Variants in CDKAL1 observed in about 807,000 individuals in gnomAD.
CDKAL1 encodes the protein CDKAL1 threonylcarbamoyladenosine tRNA methylthiotransferase.
CDKAL1 carries 32 observed loss-of-function variants against 68.2 expected under a neutral mutation model. The ratio of observed to expected loss-of-function variants is 0.47; its 90% CI spans 0.35 to 0.63. CDKAL1 has a LOEUF of 0.63. CDKAL1 is among the 30% of genes least tolerant of loss of function. CDKAL1 has a pLI of 0.00. For missense variants in CDKAL1, 606 were observed against 696.7 expected (o/e 0.87, Z 1.47); for synonymous variants, 234 against 244.3 (o/e 0.96, Z 0.39).
chr6:20,858,324 C>CT (rs34865786), intron 9 of CDKAL1, among the ~76,000 whole-genome samples: 38 of 149,804 alleles, frequency 2.5e-4, no homozygotes, highest in African/African-American at 5.4e-4. Context: ...TCTGTATTGA[C>CT]TTTTTTTTTT....
rs139933377 is a variant in CDKAL1, at chr6:21,149,453, A to G, written c.1299+40990A>G. Among the ~76,000 whole-genome samples the G allele has an allele frequency of 1.8e-4, 27 of 152,258 alleles. 1 individual carries two copies. Among genetic ancestry groups the G allele is most frequent in the African/African-American group, 6.5e-4 (27 of 41,544 alleles). ...GAACCACCACGCCTGGCCCCAAAAA[A>G]CATTCTTAAATGATGATTTATGTAA... On this transcript the variant is annotated intron_variant, in intron 13 of 15. Transcript: ENST00000274695.
intron 13 of CDKAL1, among the ~76,000 whole-genome samples, chr6:21,129,682 CAAAAAAA>C (rs34802727): frequency 8.7e-4 from 60 of 69,000 alleles, no homozygotes; most frequent in East Asian, 2.7e-3. Flanking sequence ...TGCAGTTTAC[CAAAAAAA>C]AAAAAAAAAA....
intron 6 of CDKAL1, among the ~76,000 whole-genome samples, chr6:20,750,577 C>T (rs1174301877): frequency 6.6e-6 from 1 of 152,074 alleles, no homozygotes; most frequent in African/African-American, 2.4e-5. Context: ...AAGTGGACCA[C>T]CTATCTGCCA....
intron 13 of CDKAL1, among the ~76,000 whole-genome samples, chr6:21,155,553 C>A (rs1461147760): frequency 6.6e-6 from 1 of 152,216 alleles, no homozygotes; most frequent in Non-Finnish European, 1.5e-5. Context: ...AGTACATTTT[C>A]TGTCTTGAGA....
At chr6:20,722,270 T>A (rs1772414817) in intron 5 of CDKAL1, 1 of 153,954 alleles carries the variant, frequency 6.5e-6, no homozygotes, top group Admixed American at 6.5e-5. Context: ...AGGGTTTTTT[T>A]TTTTCCCCAC....
At chr6:20,724,216 GCATGAACCACCACCTCCAGC>G (rs1321438124) in intron 5 of CDKAL1, among the ~76,000 whole-genome samples, 1 of 152,100 alleles carries the variant, frequency 6.6e-6, no homozygotes, top group Non-Finnish European at 1.5e-5. Context: ...GGGATTACAG[GCATGAACCACCACCTCCAGC>G]CACTTTTGTA....
At chr6:20,721,696 C>T (rs1772368320) in intron 5 of CDKAL1, among the ~76,000 whole-genome samples, 1 of 147,452 alleles carries the variant, frequency 6.8e-6, no homozygotes, top group Non-Finnish European at 1.5e-5. Context: ...CGTAAGCATT[C>T]CTTCTTCTCT....
intron 4 of CDKAL1, among the ~76,000 whole-genome samples, chr6:20,557,838 A>T (rs1764119025): frequency 6.6e-6 from 1 of 152,136 alleles, no homozygotes; most frequent in Admixed American, 6.5e-5. Flanking sequence ...GAGGCATGAG[A>T]ATTGCTTGAA....
chr6:21,213,354 G>A (rs1779231821), intron 15 of CDKAL1, among the ~76,000 whole-genome samples: 1 of 152,112 alleles, frequency 6.6e-6, no homozygotes, highest in South Asian at 2.1e-4. Context: ...GATTTACTTG[G>A]GGCCTGGTTG....
chr6:20,957,604 A>G (rs187765498), intron 10 of CDKAL1, among the ~76,000 whole-genome samples: 1 of 152,106 alleles, frequency 6.6e-6, no homozygotes, highest in Non-Finnish European at 1.5e-5. Flanking sequence ...TGAGGCAACA[A>G]TCTTGTTATA....
At chr6:20,695,135 A>G (rs1348330416) in intron 5 of CDKAL1, among the ~76,000 whole-genome samples, 3 of 152,192 alleles carry the variant, frequency 2.0e-5, no homozygotes, top group African/African-American at 7.2e-5. Context: ...TCCAGCCAGC[A>G]ATTCTGAAAG....
At chr6:20,734,863 C>CTTT (rs34104100) in intron 5 of CDKAL1, among the ~76,000 whole-genome samples, 2,335 of 87,600 alleles carry the variant, frequency 0.027, 12 homozygotes, top group Non-Finnish European at 0.032. Flanking sequence ...TGCTGCACCT[C>CTTT]TTTTTTTTTT....
intron 5 of CDKAL1, among the ~76,000 whole-genome samples, chr6:20,683,232 T>C (rs969468613): frequency 6.6e-6 from 1 of 152,232 alleles, no homozygotes; most frequent in East Asian, 1.9e-4. Context: ...CTTGCCCCCA[T>C]GTTTATATAG....
intron 4 of CDKAL1, among the ~76,000 whole-genome samples, chr6:20,554,005 C>A (rs545923717): frequency 6.7e-6 from 1 of 148,770 alleles, no homozygotes; most frequent in Non-Finnish European, 1.5e-5. Flanking sequence ...TTTTTAGTAA[C>A]GATGGGGTTT....
intron 9 of CDKAL1, among the ~76,000 whole-genome samples, chr6:20,928,166 G>A (rs1369553722): frequency 1.3e-5 from 2 of 152,170 alleles, no homozygotes; most frequent in Non-Finnish European, 2.9e-5. Flanking sequence ...AGCTGATGGA[G>A]TGATCGTTTT....
rs72838024 is a variant in CDKAL1, at chr6:21,152,865, C to A, written c.1299+44402C>A. 4.3e-3 allele frequency among the ~76,000 whole-genome samples: 653 copies of A among 152,296 alleles called. 2 individuals carry two copies. The highest frequency in any genetic ancestry group is 8.3e-3 in the Admixed American group (127 of 15,302). ...ACTACGCAGATCCAAGGAAGGAGTA[C>A]CAAACACATCTCAGTTTAGGCGGCC... is the stretch of plus-strand genomic sequence containing the variant. On this transcript the variant is annotated intron_variant, in intron 13 of 15. Transcript: ENST00000274695.
At chr6:20,565,803 G>A (rs1764439101) in intron 4 of CDKAL1, among the ~76,000 whole-genome samples, 1 of 152,072 alleles carries the variant, frequency 6.6e-6, no homozygotes, top group Non-Finnish European at 1.5e-5. Flanking sequence ...CGTAGTCTTA[G>A]GATATTCTTA....
intron 6 of CDKAL1, among the ~76,000 whole-genome samples, chr6:20,750,398 T>G (rs1773864464): frequency 6.6e-6 from 1 of 152,214 alleles, no homozygotes; most frequent in South Asian, 2.1e-4. Flanking sequence ...TCATAGTTAG[T>G]GTTTAACAAA....
chr6:21,136,110 T>A (rs943674687), intron 13 of CDKAL1, among the ~76,000 whole-genome samples: 1 of 152,218 alleles, frequency 6.6e-6, no homozygotes, highest in Non-Finnish European at 1.5e-5. Flanking sequence ...TGTGTATGGT[T>A]CTCCAACTCA....
Sources: gnomAD v4.1 joint callset for allele counts (sites outside exome capture counted in the v4.1 genomes callset) on GRCh38, gnomAD v4.1.1 for gene constraint, MANE v1.5 for transcripts, NCBI Gene and HGNC (gene_info 2026-07-23, HGNC 2026-07-21) for gene names.